The following ACTN2 variants were observed in gnomAD, a reference collection of about 807,000 sequenced individuals.
The protein encoded by ACTN2 is actinin alpha 2, also known as alpha-actinin-2.
Under a neutral mutation model 113.8 loss-of-function variants are expected in ACTN2, and 39 were observed. That is an observed-to-expected ratio of 0.34 (90% confidence interval 0.27 to 0.45). ACTN2 has a LOEUF of 0.45. ACTN2 is among the 20% of genes least tolerant of loss of function. The probability of loss-of-function intolerance (pLI) is 1.00; values close to 1 mark genes in which losing one functional copy is unlikely to be tolerated. For synonymous variants in ACTN2, 429 were observed against 444.1 expected (o/e 0.97, Z 0.43); for missense variants, 992 against 1,177.9 (o/e 0.84, Z 2.31).
chr1:236,762,251 C>A (rs1000670654), intron 20 of ACTN2, among the ~76,000 whole-genome samples: 1 of 152,154 alleles, frequency 6.6e-6, no homozygotes, highest in Non-Finnish European at 1.5e-5. Flanking sequence ...AAGCATATCA[C>A]CCTTCCTGCT....
At position 236,762,474 on chromosome 1, in the gene ACTN2, C is replaced by T. The variant is rs370569935; in HGVS notation, c.2540C>T (p.Ala847Val). 1.8e-5 allele frequency: 29 copies of T among 1,614,010 alleles called. No homozygotes were observed. In the African/African-American group the frequency reaches 2.3e-4, roughly 13 times the overall value. ...ILASDKPYIL[A>V]EELRRELPPD... Reference sequence around the variant, plus strand: ...ATTTTTTCCCAGCCATACATCCTGGCGGAGGAGCTGCGTCGGGAGCTGCCC... The same window carrying T: ...ATTTTTTCCCAGCCATACATCCTGGTGGAGGAGCTGCGTCGGGAGCTGCCC... The change falls in exon 21 of 21, where the codon GCG becomes GTG. Residue 847 changes from alanine (A) to valine (V), a missense_variant. Transcript: ENST00000366578.
chr1:236,754,170 T>C lies in ACTN2; in HGVS notation c.1974+89T>C. 6.4e-7 allele frequency: 1 copy of C among 1,554,022 alleles called. No individual in the cohort carries two copies. Among genetic ancestry groups the C allele is most frequent in the Non-Finnish European group, 8.8e-7 (1 of 1,139,734 alleles). On this transcript the variant is annotated intron_variant, in intron 16 of 20. Transcript: ENST00000366578. The surrounding 1 kb of genome is among the most constrained non-coding windows in gnomAD (Gnocchi z 4.9). ...CAGTGACACCGCACATGCTGTGGTT[T>C]CCAGCCACCCACTCAGTCAGGTGGG... is the stretch of plus-strand genomic sequence containing the variant.
intron 1 of ACTN2, among the ~76,000 whole-genome samples, chr1:236,715,209 A>G (rs1397291071): frequency 3.4e-5 from 5 of 148,376 alleles, no homozygotes; most frequent in African/African-American, 1.2e-4. Flanking sequence ...CACAACGTGT[A>G]GGTTTGTTAC....
Position 236,762,521 on chromosome 1 carries a change from A to C in ACTN2, c.2587A>C (p.Ile863Leu), listed in dbSNP as rs397516577. 7.4e-6 allele frequency: 12 copies of C among 1,614,036 alleles called. No homozygotes were observed. Among genetic ancestry groups the C allele is most frequent in the Non-Finnish European group, 1.0e-5 (12 of 1,180,020 alleles). The change falls in exon 21 of 21, where the codon ATC becomes CTC. Residue 863 changes from isoleucine (I) to leucine (L), a missense_variant. Physicochemically the swap from Ile to Leu is conservative, Grantham distance 5. Transcript: ENST00000366578. Reference protein sequence around the residue: ...ELPPDQAQYCIKRMPAYSGPG... With the variant: ...ELPPDQAQYCLKRMPAYSGPG... ...GCCCCCGGATCAGGCCCAGTACTGC[A>C]TCAAGAGGATGCCCGCCTACTCGGG...
chr1:236,745,813 A>G (rs1468898703), intron 12 of ACTN2, among the ~76,000 whole-genome samples: 1 of 152,200 alleles, frequency 6.6e-6, no homozygotes, highest in Non-Finnish European at 1.5e-5. Flanking sequence ...CTGTCACATA[A>G]TGGTAACTTC....
chr1:236,754,916 G>A lies in ACTN2; in HGVS notation c.1975-103G>A. The A allele has an allele frequency of 2.9e-6, 4 of 1,389,174 alleles. No homozygotes were observed. Among genetic ancestry groups the A allele is most frequent in the Non-Finnish European group, 3.1e-6 (3 of 977,512 alleles). 86.1% of individuals were successfully genotyped at this position (1,389,174 alleles called of 1,614,324 possible). A position where few individuals can be genotyped will look rare whatever the true frequency, so the allele number is the denominator to read the frequency against. On this transcript the variant is annotated intron_variant, in intron 16 of 20. Coordinates refer to ENST00000366578, the MANE Select transcript of ACTN2 (RefSeq NM_001103.4). The surrounding 1 kb of genome is among the most constrained non-coding windows in gnomAD (Gnocchi z 4.9). Reference sequence around the variant, plus strand: ...TGACACTGGCCGCTGCCTGACGCTGGCCTAGCATCCCATGCAGGGTCTGGA... The same window carrying A: ...TGACACTGGCCGCTGCCTGACGCTGACCTAGCATCCCATGCAGGGTCTGGA...
chr1:236,715,152 T>G (rs1658143458), intron 1 of ACTN2, among the ~76,000 whole-genome samples: 1 of 135,784 alleles, frequency 7.4e-6, no homozygotes, highest in Non-Finnish European at 1.5e-5. Flanking sequence ...GAATTTCTTT[T>G]TCCTTTTTTT....
rs780552939 is a variant in ACTN2 at position 236,739,483 on chromosome 1, G to A, written c.1058G>A (p.Arg353Gln). 1.4e-5 allele frequency: 23 copies of A among 1,614,016 alleles called. No individual in the cohort carries two copies. The Admixed American group carries it at 1.5e-4, about 11-fold the overall frequency. The change falls in exon 10 of 21, where the codon CGG (arginine) becomes CAG (glutamine). Residue 353 changes from arginine to glutamine, a missense_variant. Physicochemically the swap from Arg to Gln is conservative, Grantham distance 43 (BLOSUM62 1). Transcript: ENST00000366578. ...INFNTLQTKL[R>Q]ISNRPAFMPS... ...TTCAACACGCTGCAGACCAAGCTGC[G>A]GATCAGCAACCGTCCTGCCTTCATG...
At chr1:236,747,106 A>G (rs1274907756) in intron 12 of ACTN2, among the ~76,000 whole-genome samples, 2 of 152,186 alleles carry the variant, frequency 1.3e-5, no homozygotes, top group African/African-American at 4.8e-5. Flanking sequence ...TCATAGGGAC[A>G]TTGCCACTTA....
In ACTN2 at chr1:236,755,583, CAA is replaced by C. The variant is rs200669771; in HGVS notation, c.2154+386_2154+387del. On this transcript the variant is annotated intron_variant, in intron 17 of 20. Transcript: ENST00000366578. The stretch of plus-strand genomic sequence containing the variant: ...ATGGGAAAATATTTTTAGTGACAAA[CAA>C]GAGTATATACTGCAGAGTGCCCGCT... Among the ~76,000 whole-genome samples the C allele has an allele frequency of 7.1e-3, 1,083 of 152,234 alleles. 6 individuals are homozygous for C. Among genetic ancestry groups the C allele is most frequent in the African/African-American group, 0.023 (975 of 41,522 alleles).
intron 10 of ACTN2, among the ~76,000 whole-genome samples, chr1:236,742,527 C>A (rs1479711278): frequency 4.0e-5 from 6 of 150,712 alleles, no homozygotes; most frequent in Non-Finnish European, 7.4e-5. Context: ...AGCGAGACTC[C>A]ATTTCTTTAA....
At chr1:236,747,178 C>T (rs186948533) in intron 12 of ACTN2, among the ~76,000 whole-genome samples, 1 of 152,306 alleles carries the variant, frequency 6.6e-6, no homozygotes, top group African/African-American at 2.4e-5. Context: ...GAGCCTGCGG[C>T]ATTAAGAAGA....
At chr1:236,731,200 T>G in intron 6 of ACTN2, 33 bp from the exon 7 acceptor site, 10 of 1,545,856 alleles carry the variant, frequency 6.5e-6, no homozygotes, top group Non-Finnish European at 8.9e-6. Flanking sequence ...CAAAATATAT[T>G]TTAAAAATCT....
chr1:236,735,581 A>G (rs550228625), intron 7 of ACTN2, 54 bp from the exon 8 acceptor site: 2 of 1,431,818 alleles, frequency 1.4e-6, no homozygotes, highest in African/African-American at 1.4e-5. Flanking sequence ...CTTCGTCTGT[A>G]TGTGTGTGGT....
In ACTN2 at chr1:236,764,285, A is replaced by C. The variant is rs1215015113; in HGVS notation, c.*1666A>C. ...AACACTTTTGGGGTGGTTTAGATGA[A>C]CTCTGACTCTATTTTATTTCAAGTA... is the stretch of plus-strand genomic sequence containing the variant. On this transcript the variant is annotated 3_prime_UTR_variant, in exon 21 of 21. Coordinates refer to ENST00000366578, the MANE Select transcript of ACTN2 (RefSeq NM_001103.4). The C allele has an allele frequency of 6.6e-6, 1 of 152,084 alleles. No individual in the cohort carries two copies. Among genetic ancestry groups the C allele is most frequent in the Admixed American group, 6.6e-5 (1 of 15,266 alleles). The allele number at this position is 152,084 out of a possible 1,614,324, so 9.4% of individuals were successfully genotyped here. A position where few individuals can be genotyped will look rare whatever the true frequency, so the allele number is the denominator to read the frequency against.
chr1:236,701,635 T>A (rs1657680478), intron 1 of ACTN2, among the ~76,000 whole-genome samples: 2 of 152,228 alleles, frequency 1.3e-5, no homozygotes, highest in South Asian at 4.1e-4. Flanking sequence ...CAATTTGATG[T>A]TAATATGGGC....
intron 15 of ACTN2, among the ~76,000 whole-genome samples, chr1:236,752,100 G>A (rs1659413003): frequency 6.6e-6 from 1 of 152,182 alleles, no homozygotes; most frequent in Non-Finnish European, 1.5e-5. Flanking sequence ...GGGAATGAAA[G>A]TATTCTTACT....
intron 18 of ACTN2, among the ~76,000 whole-genome samples, chr1:236,758,478 A>G (rs974617382): frequency 8.4e-6 from 1 of 119,502 alleles, no homozygotes; most frequent in Non-Finnish European, 1.8e-5. Flanking sequence ...TTCAGTAGAG[A>G]CGGGGTTTCG....
chr1:236,715,233 T>G (rs1658150565), intron 1 of ACTN2, among the ~76,000 whole-genome samples: 1 of 151,712 alleles, frequency 6.6e-6, no homozygotes, highest in Non-Finnish European at 1.5e-5. Context: ...TGTATACATG[T>G]GCCATGTTGG....
Sources: allele counts gnomAD v4.1 joint callset (sites outside exome capture counted in the v4.1 genomes callset), GRCh38; gene constraint gnomAD v4.1.1; non-coding constraint Gnocchi (gnomAD v3.1); transcripts MANE v1.5; gene names NCBI Gene and HGNC (gene_info 2026-07-23, HGNC 2026-07-21).